SGCG: variants seen among roughly 807,000 people sequenced by gnomAD.
SGCG encodes gamma-sarcoglycan.
In SGCG, 26 loss-of-function variants were observed where a neutral mutation model predicts 29.3. The ratio of observed to expected loss-of-function variants is 0.89; its 90% CI spans 0.65 to 1.23. The LOEUF is 1.23. Ranked by LOEUF, SGCG falls within the 50% of genes most tolerant of loss-of-function variation. The probability of loss-of-function intolerance (pLI) is 0.00; values close to 1 mark genes in which losing one functional copy is unlikely to be tolerated. For synonymous variants in SGCG, 145 were observed against 129.7 expected, an observed-to-expected ratio of 1.12 and a Z score of -0.80; for missense variants, 353 against 356.0, an observed-to-expected ratio of 0.99 and a Z score of 0.07.
intron 5 of SGCG, among the ~76,000 whole-genome samples, chr13:23,282,887 T>C (rs187161901): frequency 4.6e-5 from 7 of 152,294 alleles, no homozygotes; most frequent in Non-Finnish European, 8.8e-5. Flanking sequence ...CAGTAGTCAT[T>C]CAGGAGCAGG....
At chr13:23,319,237 G>A (rs1002496668) in intron 6 of SGCG, among the ~76,000 whole-genome samples, 1 of 151,490 alleles carries the variant, frequency 6.6e-6, no homozygotes, top group East Asian at 1.9e-4. Context: ...GGTTGTGGTT[G>A]CAGTGAGCCA....
chr13:23,260,796 C>T (rs1007890342), intron 4 of SGCG, among the ~76,000 whole-genome samples: 12 of 151,944 alleles, frequency 7.9e-5, no homozygotes, highest in Non-Finnish European at 1.6e-4. Context: ...ATTTCTCCTT[C>T]GCTTATGAAG....
chr13:23,175,432 A>G, the SGCG span, among the ~76,000 whole-genome samples: 3 of 152,294 alleles, frequency 2.0e-5, no homozygotes, highest in Middle Eastern at 6.8e-3. Flanking sequence ...TCTGATATGC[A>G]CACATCACAC....
intron 2 of SGCG, among the ~76,000 whole-genome samples, chr13:23,229,136 CTGGGATTACAGGAA>C (rs1879012621): frequency 6.6e-6 from 1 of 152,210 alleles, no homozygotes; most frequent in Admixed American, 6.5e-5. Context: ...TCCCAAAGTG[CTGGGATTACAGGAA>C]CTGTAATCCC....
intron 4 of SGCG, among the ~76,000 whole-genome samples, chr13:23,276,625 G>A (rs1487697043): frequency 6.6e-6 from 1 of 152,070 alleles, no homozygotes; most frequent in Non-Finnish European, 1.5e-5. Context: ...CAGAAACGGG[G>A]TTTCACCGTG....
chr13:23,261,004 A>G (rs1328046491), intron 4 of SGCG, among the ~76,000 whole-genome samples: 1 of 152,020 alleles, frequency 6.6e-6, no homozygotes, highest in East Asian at 1.9e-4. Flanking sequence ...GAATCTGACA[A>G]TTATGTGTCT....
intron 2 of SGCG, among the ~76,000 whole-genome samples, chr13:23,204,286 T>C (rs1161181771): frequency 1.3e-5 from 2 of 152,212 alleles, no homozygotes; most frequent in Non-Finnish European, 2.9e-5. Flanking sequence ...AAAACTTTTT[T>C]ATTTACAGTG....
chr13:23,298,939 A>C (rs1160386049), intron 6 of SGCG, among the ~76,000 whole-genome samples: 2 of 152,120 alleles, frequency 1.3e-5, no homozygotes, highest in Non-Finnish European at 2.9e-5. Context: ...AAATAACAAA[A>C]CTGCAAGGAA....
the SGCG span, among the ~76,000 whole-genome samples, chr13:23,168,028 C>A: frequency 6.6e-6 from 1 of 152,136 alleles, no homozygotes; most frequent in African/African-American, 2.4e-5. Context: ...TGAGTCACTG[C>A]GCCTCGCTCC....
chr13:23,298,814 A>G (rs1048902754), intron 6 of SGCG, among the ~76,000 whole-genome samples: 10 of 152,232 alleles, frequency 6.6e-5, no homozygotes, highest in African/African-American at 2.4e-4. Flanking sequence ...CTCACTGTAT[A>G]TACGGCAGGC....
intron 2 of SGCG, among the ~76,000 whole-genome samples, chr13:23,226,935 C>G (rs1659604428): frequency 6.6e-6 from 1 of 152,078 alleles, no homozygotes; most frequent in East Asian, 1.9e-4. Context: ...GGAAGCTGTC[C>G]CGGAATGAGG....
chr13:23,312,952 A>T (rs1882659722), intron 6 of SGCG, among the ~76,000 whole-genome samples: 2 of 152,236 alleles, frequency 1.3e-5, no homozygotes, highest in East Asian at 3.9e-4. Context: ...TGAAAATTGG[A>T]AATTTTTGTA....
At chr13:23,283,810 G>A (rs899585213) in intron 5 of SGCG, among the ~76,000 whole-genome samples, 2 of 152,152 alleles carry the variant, frequency 1.3e-5, no homozygotes, top group African/African-American at 4.8e-5. Context: ...GGCAGGCCTG[G>A]TGGTGACAAA....
Position 23,220,311 on chromosome 13 carries a change from C to T in SGCG, c.196-14300C>T, listed in dbSNP as rs538727063. On this transcript the variant is annotated intron_variant, in intron 2 of 7. Transcript: ENST00000218867. ...TACTAAAAATACAGAATTAGCCGGG[C>T]GTGTGGTGCATGCCTGTAATCCCAG... is the stretch of plus-strand genomic sequence containing the variant. 1.1e-4 allele frequency among the ~76,000 whole-genome samples: 16 copies of T among 152,064 alleles called. 1 individual carries two copies. In the East Asian group the frequency reaches 2.7e-3, roughly 26 times the overall value.
At position 23,244,469 on chromosome 13, in the gene SGCG, T is replaced by C. The variant is rs115855378; in HGVS notation, c.298-6161T>C. ...ATTTCTCGGATTCATCTTCTTAAAG[T>C]ATATCATGTCCTGGACATAAATAAT... On this transcript the variant is annotated intron_variant, in intron 3 of 7. Coordinates refer to ENST00000218867, the MANE Select transcript of SGCG (RefSeq NM_000231.3). 1.6e-3 allele frequency: 244 copies of C among 152,328 alleles called. 1 individual carries two copies. Among genetic ancestry groups the C allele is most frequent in the African/African-American group, 5.5e-3 (230 of 41,580 alleles). 9.4% of individuals were successfully genotyped at this position (152,328 alleles called of 1,614,324 possible).
At chr13:23,301,858 C>T (rs1405349681) in intron 6 of SGCG, among the ~76,000 whole-genome samples, 1 of 151,554 alleles carries the variant, frequency 6.6e-6, no homozygotes, top group Non-Finnish European at 1.5e-5. Context: ...CACCACTGCA[C>T]TCCAGCCTGG....
intron 3 of SGCG, among the ~76,000 whole-genome samples, chr13:23,235,323 C>T (rs1879265255): frequency 6.9e-6 from 1 of 144,050 alleles, no homozygotes; most frequent in Non-Finnish European, 1.5e-5. Flanking sequence ...AGCGCCACTG[C>T]ATTCCAGCCT....
At position 23,320,650 on chromosome 13, in the gene SGCG, A is replaced by G; in HGVS notation, c.592A>G (p.Thr198Ala). 1.3e-6 allele frequency: 2 copies of G among 1,544,034 alleles called. No homozygotes were observed. The highest frequency in any genetic ancestry group is 1.8e-6 in the Non-Finnish European group (2 of 1,137,280). ...PFQDLRLESP[T>A]RSLSMDAPRG... is the part of the protein sequence containing the mutation. ...TCCTCATCTCAGATTAGAATCCCCCACTCGGAGTCTAAGCATGGATGCCCC... is the reference window on the plus strand; with the variant it reads ...TCCTCATCTCAGATTAGAATCCCCCGCTCGGAGTCTAAGCATGGATGCCCC... Residue 198 changes from threonine (T) to alanine (A), a missense_variant, in exon 7 of 8, where the codon ACT becomes GCT. Thr to Ala is a moderately conservative substitution (Grantham distance 58). Transcript: ENST00000218867.
intron 2 of SGCG, among the ~76,000 whole-genome samples, chr13:23,204,719 T>G (rs1301507999): frequency 2.0e-5 from 3 of 149,096 alleles, no homozygotes; most frequent in Admixed American, 2.0e-4. Context: ...TTTTTTTTTT[T>G]TTTTGAGACG....
Sources: allele counts gnomAD v4.1 joint callset (sites outside exome capture counted in the v4.1 genomes callset), GRCh38; gene constraint gnomAD v4.1.1; transcripts MANE v1.5; gene names NCBI Gene and HGNC (gene_info 2026-07-23, HGNC 2026-07-21).